DHX57: variants seen among roughly 807,000 people sequenced by gnomAD.
DHX57 encodes DExH-box helicase 57.
Under a neutral mutation model 156.2 loss-of-function variants are expected in DHX57, and 105 were observed. That is an observed-to-expected ratio of 0.67 (90% confidence interval 0.57 to 0.79). The LOEUF is 0.79. Among genes scored for constraint, DHX57 ranks in the 30% least tolerant of loss-of-function variants. The probability of loss-of-function intolerance (pLI) is 0.00; values close to 1 mark genes in which losing one functional copy is unlikely to be tolerated. For missense variants in DHX57, 1,847 were observed against 1,661.9 expected, an observed-to-expected ratio of 1.11 and a Z score of -1.94; for synonymous variants, 704 against 595.6, an observed-to-expected ratio of 1.18 and a Z score of -2.65.
At chr2:38,802,286 C>CACTTTTTT (rs1669718088) in intron 23 of DHX57, among the ~76,000 whole-genome samples, 1 of 123,566 alleles carries the variant, frequency 8.1e-6, no homozygotes, top group Non-Finnish European at 1.7e-5. Context: ...GACCATCATT[C>CACTTTTTT]ACTTTTTTTT....
At chr2:38,798,544 G>T in intron 23 of DHX57, 102 bp from the exon 24 acceptor site, 1 of 1,357,750 alleles carries the variant, frequency 7.4e-7, no homozygotes, top group Non-Finnish European at 9.9e-7. Context: ...TAGATTTCTG[G>T]TACTAATTTT....
chr2:38,841,448 C>T (rs968734662), intron 12 of DHX57, among the ~76,000 whole-genome samples: 18 of 151,984 alleles, frequency 1.2e-4, no homozygotes, highest in Non-Finnish European at 2.2e-4. Flanking sequence ...CTCAATATTG[C>T]GAAGATGAAA....
chr2:38,798,961 A>G (rs1669532574), intron 23 of DHX57, among the ~76,000 whole-genome samples: 1 of 151,994 alleles, frequency 6.6e-6, no homozygotes, highest in Non-Finnish European at 1.5e-5. Context: ...CCCAAAAAAG[A>G]AAAGATTCAG....
chr2:38,810,935 A>G, intron 21 of DHX57: 6 of 831,642 alleles, frequency 7.2e-6, no homozygotes, highest in Non-Finnish European at 1.2e-5. Flanking sequence ...AAGAGCACCA[A>G]GGAGGTCTGG....
Position 38,824,811 on chromosome 2 carries a change from C to T in DHX57, c.3014+1036G>A, listed in dbSNP as rs952882142. 4.6e-4 allele frequency among the ~76,000 whole-genome samples: 70 copies of T among 152,060 alleles called. 1 individual carries two copies. The highest frequency in any genetic ancestry group is 3.7e-4 in the Non-Finnish European group (25 of 68,020). On this transcript the variant is annotated intron_variant, in intron 16 of 23. Coordinates refer to ENST00000457308, the MANE Select transcript of DHX57 (RefSeq NM_198963.3). ...TACAGGCGTGCGCCACTATACCTGG[C>T]TAATTTTATATTTTTTTAGTAGAGA... is the stretch of plus-strand genomic sequence containing the variant.
In DHX57 at chr2:38,813,850, A is replaced by G; in HGVS notation, c.3652T>C (p.Cys1218Arg). The G allele has an allele frequency of 1.9e-6, 3 of 1,613,774 alleles. No homozygotes were observed. Among genetic ancestry groups the G allele is most frequent in the Non-Finnish European group, 8.5e-7 (1 of 1,179,714 alleles). The change falls in exon 21 of 24, where the codon TGT (cysteine) becomes CGT (arginine). Residue 1218 changes from cysteine to arginine, a missense_variant. By Grantham distance (180) the Cys-to-Arg change is radical. Coordinates refer to ENST00000457308, the MANE Select transcript of DHX57 (RefSeq NM_198963.3). The stretch of plus-strand genomic sequence containing the variant: ...ACTACATTTGGATACAAAGCAGCAC[A>G]CAGCATTGCTGATATCAGCTTGGGG... ...ENPKLISAML[C>R]AALYPNVVQV...
chr2:38,853,207 G>A (rs1672699416), intron 9 of DHX57: 2 of 143,152 alleles, frequency 1.4e-5, no homozygotes, highest in Non-Finnish European at 3.0e-5. Flanking sequence ...TTAGGTGTGA[G>A]GCATCACGCC....
chr2:38,855,141 G>A lies in DHX57; in HGVS notation c.1821C>T (p.Ile607=). The part of the protein sequence containing the change: ...ICTQPRRISA[I]SVAERVAKER... ...CTTTAGCAACGCGTTCAGCAACAGA[G>A]ATTGCAGAGATTCGTCGGGGTTGGG... Residue 607 remains isoleucine, a synonymous_variant, in exon 8 of 24, where the codon ATC becomes ATT. Coordinates refer to ENST00000457308, the MANE Select transcript of DHX57 (RefSeq NM_198963.3). 1 of 1,614,112 alleles carries A rather than the reference G, an allele frequency of 6.2e-7. No homozygotes were observed. The highest frequency in any genetic ancestry group is 2.2e-5 in the East Asian group (1 of 44,872).
At chr2:38,816,701 G>C (rs929842462) in intron 19 of DHX57, among the ~76,000 whole-genome samples, 8 of 152,148 alleles carry the variant, frequency 5.3e-5, no homozygotes, top group Admixed American at 1.3e-4. Flanking sequence ...GATGGTTTAA[G>C]TATTTTCTTG....
chr2:38,831,040 C>T (rs911720016), intron 13 of DHX57, among the ~76,000 whole-genome samples: 5 of 151,632 alleles, frequency 3.3e-5, no homozygotes, highest in Non-Finnish European at 5.9e-5. Flanking sequence ...TGCACTCTAG[C>T]CTGAGTGACA....
chr2:38,829,345 G>C (rs1246927428), intron 13 of DHX57, among the ~76,000 whole-genome samples: 1 of 149,014 alleles, frequency 6.7e-6, no homozygotes, highest in Non-Finnish European at 1.5e-5. Flanking sequence ...GCAATGATGT[G>C]ATCTCAGCTC....
intron 15 of DHX57, 70 bp from the exon 16 acceptor site, chr2:38,826,117 A>G (rs2148564053): frequency 6.8e-7 from 1 of 1,469,056 alleles, no homozygotes; most frequent in Middle Eastern, 1.9e-4. Context: ...TGCTATGGAC[A>G]GAATAGATGA....
chr2:38,813,716 T>A, intron 21 of DHX57, 105 bp downstream of exon 21: 1 of 1,315,410 alleles, frequency 7.6e-7, no homozygotes, highest in African/African-American at 1.5e-5. Flanking sequence ...TGTGCACACA[T>A]GCGTATATAT....
chr2:38,860,850 G>A, intron 5 of DHX57, 149 bp downstream of exon 5: 2 of 685,608 alleles, frequency 2.9e-6, no homozygotes, highest in Non-Finnish European at 5.0e-6. Context: ...TACAGTTCAG[G>A]GAATTCTCAT....
chr2:38,797,812 A>G lies in DHX57; in HGVS notation c.*487T>C, dbSNP rs1669458677. On this transcript the variant is annotated 3_prime_UTR_variant, in exon 24 of 24. Transcript: ENST00000457308. ...TCAGTAGCCAATAGCCTAAAATGAA[A>G]TTTTAATTTTGCTTGTTCACATAAT... 6.3e-6 allele frequency: 1 copy of G among 158,860 alleles called. No individual in the cohort carries two copies. The highest frequency in any genetic ancestry group is 2.1e-4 in the South Asian group (1 of 4,826). 9.8% of individuals were successfully genotyped at this position (158,860 alleles called of 1,614,324 possible). A position where few individuals can be genotyped will look rare whatever the true frequency, so the allele number is the denominator to read the frequency against.
intron 9 of DHX57, among the ~76,000 whole-genome samples, chr2:38,850,321 C>A (rs1210717534): frequency 6.6e-6 from 1 of 152,084 alleles, no homozygotes; most frequent in Non-Finnish European, 1.5e-5. Flanking sequence ...TTCGCTCTGT[C>A]ACCCAGGCTG....
At chr2:38,875,515 A>T (rs1336740236) in intron 1 of DHX57, among the ~76,000 whole-genome samples, 1 of 152,018 alleles carries the variant, frequency 6.6e-6, no homozygotes, top group African/African-American at 2.4e-5. Context: ...CCAAGACTGA[A>T]TTTCACGCCC....
rs903198289 is a variant in DHX57 at position 38,823,119 on chromosome 2, A to T, written c.3165T>A (p.Leu1055=). 4 of 1,614,148 alleles carry T rather than the reference A, an allele frequency of 2.5e-6. No individual in the cohort carries two copies. Among genetic ancestry groups the T allele is most frequent in the Non-Finnish European group, 3.4e-6 (4 of 1,180,020 alleles). The change falls in exon 17 of 24, where the codon CTT becomes CTA. Residue 1055 remains leucine, a synonymous_variant. Coordinates refer to ENST00000457308, the MANE Select transcript of DHX57 (RefSeq NM_198963.3). ...CGGGCAGAGAGGCCAAATGATACCC[A>T]AGAGGGGTCAATCTTTCATCTGGAG... ...ALTPDERLTP[L]GYHLASLPVD...
At chr2:38,806,720 G>T in intron 21 of DHX57, 27 bp from the exon 22 acceptor site, 1 of 1,602,490 alleles carries the variant, frequency 6.2e-7, no homozygotes, top group Non-Finnish European at 8.5e-7. Flanking sequence ...TGTAAAAATA[G>T]ACATATAATA....
Sources: gnomAD v4.1 joint callset for allele counts (sites outside exome capture counted in the v4.1 genomes callset) on GRCh38, gnomAD v4.1.1 for gene constraint, MANE v1.5 for transcripts, NCBI Gene and HGNC (gene_info 2026-07-23, HGNC 2026-07-21) for gene names.